The following TRIM36 variants were observed in gnomAD, a reference collection of about 807,000 sequenced individuals.
TRIM36 encodes the protein tripartite motif containing 36, also known as E3 ubiquitin-protein ligase TRIM36.
Under a neutral mutation model 72.4 loss-of-function variants are expected in TRIM36, and 42 were observed. That is an observed-to-expected ratio of 0.58 (90% CI 0.45 to 0.75). The LOEUF (loss-of-function observed/expected upper bound fraction) is 0.75. TRIM36 is among the 30% of genes least tolerant of loss of function. The pLI, the probability that TRIM36 is intolerant of heterozygous loss-of-function variation, is 0.00. For synonymous variants in TRIM36, 315 were observed against 282.8 expected (o/e 1.11, Z -1.14); for missense variants, 913 against 857.1 (o/e 1.07, Z -0.81).
rs148991287 is a variant in TRIM36 at position 115,130,642 on chromosome 5, G to A, written c.1746C>T (p.Ser582=). The A allele has an allele frequency of 1.7e-5, 27 of 1,614,100 alleles. No homozygotes were observed. The highest frequency in any genetic ancestry group is 1.6e-4 in the Middle Eastern group (1 of 6,062). ...SYLVKVGVAS[S]DKLQEWLRSP... Reference sequence around the variant, plus strand: ...AACGGAGCCATTCTTGTAGTTTATCGCTAGAAGCAACTCCCACTTTTACCA... The same window carrying A: ...AACGGAGCCATTCTTGTAGTTTATCACTAGAAGCAACTCCCACTTTTACCA... The change falls in exon 9 of 10, where the codon AGC becomes AGT. Residue 582 remains serine (S), a synonymous_variant. Transcript: ENST00000513154.
intron 5 of TRIM36, among the ~76,000 whole-genome samples, chr5:115,139,058 A>T (rs1429730472): frequency 6.6e-6 from 1 of 151,678 alleles, no homozygotes; most frequent in African/African-American, 2.4e-5. Context: ...TGACCTCATG[A>T]TCTGCCTGCC....
In TRIM36 at chr5:115,169,859, C is replaced by T. The variant is rs1002480313; in HGVS notation, c.-225G>A. On this transcript the variant is annotated 5_prime_UTR_variant, in exon 1 of 10. Transcript: ENST00000513154. ...GCGAGCTTTGCTCCCAGCGACTACC[C>T]CGGGAATCCCGCCCAGCTGCCGGCT... 1.1e-5 allele frequency: 15 copies of T among 1,307,322 alleles called. No homozygotes were observed. Among genetic ancestry groups the T allele is most frequent in the Admixed American group, 3.8e-5 (1 of 26,016 alleles). 81.0% of individuals were successfully genotyped at this position (1,307,322 alleles called of 1,614,324 possible). A position where few individuals can be genotyped will look rare whatever the true frequency, so the allele number is the denominator to read the frequency against.
chr5:115,158,883 A>C (rs1561441182), intron 2 of TRIM36, among the ~76,000 whole-genome samples: 1 of 152,234 alleles, frequency 6.6e-6, no homozygotes, highest in Non-Finnish European at 1.5e-5. Flanking sequence ...TCGTGGCTTT[A>C]AGATTTTTAA....
chr5:115,169,127 C>T (rs149349204), intron 1 of TRIM36: 1,768 of 156,656 alleles, frequency 0.011, 38 homozygotes, highest in African/African-American at 0.041. Flanking sequence ...CTGCCGGGGC[C>T]CCGGCCCGCC....
In TRIM36 at chr5:115,130,630, T is replaced by C; in HGVS notation, c.1758A>G (p.Gln586=). 1 of 1,614,216 alleles carries C rather than the reference T, an allele frequency of 6.2e-7. No individual in the cohort carries two copies. The highest frequency in any genetic ancestry group is 8.5e-7 in the Non-Finnish European group (1 of 1,180,026). The change falls in exon 9 of 10, where the codon CAA becomes CAG. Residue 586 remains glutamine (Q), a synonymous_variant. Coordinates refer to ENST00000513154, the MANE Select transcript of TRIM36 (RefSeq NM_001300759.2). Reference sequence around the variant, plus strand: ...CATCCCGGGGAGAACGGAGCCATTCTTGTAGTTTATCGCTAGAAGCAACTC... The same window carrying C: ...CATCCCGGGGAGAACGGAGCCATTCCTGTAGTTTATCGCTAGAAGCAACTC... ...KVGVASSDKL[Q]EWLRSPRDAV... is the part of the protein sequence containing the mutation.
chr5:115,148,482 G>A (rs575997081), intron 2 of TRIM36: 2 of 463,192 alleles, frequency 4.3e-6, no homozygotes, highest in South Asian at 1.9e-4. Context: ...TGTGATCTCG[G>A]CTCACTGCAA....
At chr5:115,169,538 G>A in intron 1 of TRIM36, 70 bp downstream of exon 1, 9 of 1,466,306 alleles carry the variant, frequency 6.1e-6, no homozygotes, top group Non-Finnish European at 8.2e-6. Flanking sequence ...GCTCCCGGCG[G>A]AGGAAAGAGA....
chr5:115,144,163 G>A (rs1281704167), intron 4 of TRIM36, among the ~76,000 whole-genome samples: 5 of 152,004 alleles, frequency 3.3e-5, no homozygotes, highest in Non-Finnish European at 7.4e-5. Context: ...TGTGAGCCAC[G>A]GAAGTAATTC....
intron 1 of TRIM36, among the ~76,000 whole-genome samples, chr5:115,178,052 T>C (rs1031648026): frequency 3.9e-5 from 6 of 152,128 alleles, no homozygotes; most frequent in Admixed American, 2.6e-4. Context: ...TCTGCCCTAC[T>C]TCCCCATTTC....
chr5:115,170,091 G>A, upstream of TRIM36: 1 of 557,192 alleles, frequency 1.8e-6, no homozygotes, highest in African/African-American at 2.0e-5. Flanking sequence ...GGTGTGGCAC[G>A]CGGTTGGGAC....
intron 1 of TRIM36, among the ~76,000 whole-genome samples, chr5:115,176,080 T>G (rs1755325077): frequency 6.6e-6 from 1 of 152,086 alleles, no homozygotes; most frequent in Non-Finnish European, 1.5e-5. Context: ...AGCCTGAGAT[T>G]GCACCACTGC....
chr5:115,156,013 A>AC (rs900187860), intron 2 of TRIM36, among the ~76,000 whole-genome samples: 2 of 152,188 alleles, frequency 1.3e-5, no homozygotes, highest in Non-Finnish European at 2.9e-5. Context: ...ACCAACAGCG[A>AC]CCAAGCTGAG....
At chr5:115,131,430 T>C in intron 8 of TRIM36, among the ~76,000 whole-genome samples, 1 of 152,204 alleles carries the variant, frequency 6.6e-6, no homozygotes, top group Non-Finnish European at 1.5e-5. Flanking sequence ...GTTTGAATCC[T>C]ACTCAAGCAT....
At chr5:115,180,009 A>G in exon 1 of TRIM36, 1 of 1,614,078 alleles carries the variant, frequency 6.2e-7, no homozygotes, top group Non-Finnish European at 8.5e-7. Context: ...GATGTAGCCA[A>G]ATTCACTCAT....
intron 6 of TRIM36, 65 bp downstream of exon 6, chr5:115,137,298 G>C: frequency 1.3e-6 from 2 of 1,540,406 alleles, no homozygotes; most frequent in African/African-American, 1.4e-5. Flanking sequence ...GCTAAAGTGA[G>C]AATACACAGC....
chr5:115,178,900 G>A (rs1405807218), intron 1 of TRIM36, among the ~76,000 whole-genome samples: 1 of 152,126 alleles, frequency 6.6e-6, no homozygotes, highest in Non-Finnish European at 1.5e-5. Flanking sequence ...AGGACTGTCG[G>A]GCATGAATCT....
chr5:115,140,860 A>G lies in TRIM36; in HGVS notation c.831+419T>C, dbSNP rs77723417. The stretch of plus-strand genomic sequence containing the variant: ...TATATGTCTTTTGGGGAACATATAT[A>G]GGGTATACACTCAGGAATACCGGGA... On this transcript the variant is annotated intron_variant, in intron 5 of 9. Coordinates refer to ENST00000513154, the MANE Select transcript of TRIM36 (RefSeq NM_001300759.2). 4.7e-3 allele frequency among the ~76,000 whole-genome samples: 719 copies of G among 152,334 alleles called. 39 individuals are homozygous for G. In the East Asian group the frequency reaches 0.11, roughly 24 times the overall value.
In TRIM36 at chr5:115,142,051, C is replaced by T. The variant is rs184618364; in HGVS notation, c.736-677G>A. Among the ~76,000 whole-genome samples, 23 of 152,134 alleles carry T rather than the reference C, an allele frequency of 1.5e-4. 1 individual carries two copies. Among genetic ancestry groups the T allele is most frequent in the Admixed American group, 2.6e-4 (4 of 15,278 alleles). ...ACTCTGAAATACACAAAAACCAAAA[C>T]ACAAAAGCCCCGAAACACCATGGGG... On this transcript the variant is annotated intron_variant, in intron 4 of 9. Coordinates refer to ENST00000513154, the MANE Select transcript of TRIM36 (RefSeq NM_001300759.2).
rs1754607428 is a variant in TRIM36, at chr5:115,163,613, A to G, written c.167T>C (p.Phe56Ser). The change falls in exon 2 of 10, where the codon TTC (phenylalanine) becomes TCC (serine). Residue 56 changes from phenylalanine (F) to serine (S), a missense_variant. Physicochemically the swap from Phe to Ser is radical, Grantham distance 155. Coordinates refer to ENST00000513154, the MANE Select transcript of TRIM36 (RefSeq NM_001300759.2). ...KELLLTLDDS[F>S]NDVGSDNSNQ... ...GGAGTTGTCTGATCCCACATCGTTG[A>G]ATGAATCATCGAGAGTCAGCAGGAG... is the stretch of plus-strand genomic sequence containing the variant. The G allele has an allele frequency of 6.2e-7, 1 of 1,614,200 alleles. No homozygotes were observed.
Sources: gnomAD v4.1 joint callset for allele counts (sites outside exome capture counted in the v4.1 genomes callset) on GRCh38, gnomAD v4.1.1 for gene constraint, MANE v1.5 for transcripts, NCBI Gene and HGNC (gene_info 2026-07-23, HGNC 2026-07-21) for gene names.